Variants in SRP68 observed in about 807,000 individuals in gnomAD.
The protein encoded by SRP68 is signal recognition particle subunit SRP68.
In SRP68, 15 loss-of-function variants were observed where a neutral mutation model predicts 82.2. The ratio of observed to expected loss-of-function variants is 0.18; its 90% confidence interval spans 0.12 to 0.28. The LOEUF is 0.28. Among genes scored for constraint, SRP68 ranks in the 10% least tolerant of loss-of-function variants. The probability of loss-of-function intolerance (pLI) is 1.00; values close to 1 mark genes in which losing one functional copy is unlikely to be tolerated. For missense variants in SRP68, 595 were observed against 780.5 expected, an observed-to-expected ratio of 0.76 and a Z score of 2.83; for synonymous variants, 261 against 292.6, an observed-to-expected ratio of 0.89 and a Z score of 1.10.
rs1384485584 is a variant in SRP68, at chr17:76,042,105, C to T, written c.1525-1127G>A. ...TTCACTATGTTGGCCAGGATGGTCT[C>T]GATCTCCTGACCTCGTGATCTGCCC... On this transcript the variant is annotated intron_variant, in intron 13 of 15. Coordinates refer to ENST00000307877, the MANE Select transcript of SRP68 (RefSeq NM_014230.4). 5.3e-5 allele frequency among the ~76,000 whole-genome samples: 8 copies of T among 152,002 alleles called. No homozygotes were observed. In the East Asian group the frequency reaches 1.6e-3, roughly 30 times the overall value.
In SRP68 at chr17:76,070,535, A is replaced by G. The variant is rs2144535769; in HGVS notation, c.185-91T>C. On this transcript the variant is annotated intron_variant, in intron 1 of 15. Transcript: ENST00000307877. ...CAGTCTATATCTGTGTCAAACCACAACACATTAAACATTTGTGAAATATAG... is the reference window on the plus strand; with the variant it reads ...CAGTCTATATCTGTGTCAAACCACAGCACATTAAACATTTGTGAAATATAG... 5.5e-6 allele frequency: 6 copies of G among 1,086,918 alleles called. No individual in the cohort carries two copies. In the South Asian group the frequency reaches 7.7e-5, roughly 14 times the overall value. The allele number at this position is 1,086,918 out of a possible 1,614,324, so 67.3% of individuals were successfully genotyped here.
At chr17:76,063,915 T>A in intron 4 of SRP68, 61 bp downstream of exon 4, 1 of 1,455,244 alleles carries the variant, frequency 6.9e-7, no homozygotes, top group Non-Finnish European at 9.4e-7. Context: ...TCTGTTTAAC[T>A]GCAGCTTTTT....
chr17:76,061,273 TG>T, intron 5 of SRP68, 54 bp from the exon 6 acceptor site: 2 of 1,281,744 alleles, frequency 1.6e-6, no homozygotes, highest in Non-Finnish European at 2.3e-6. Context: ...GAAAAACTCA[TG>T]GGGAACACAG....
Position 76,064,134 on chromosome 17 carries a change from AG to A in SRP68, c.402del (p.Trp135GlyfsTer7), listed in dbSNP as rs1481626283. ...LLLVLMDAER[A>X]WSYAMQLKQE... The stretch of plus-strand genomic sequence containing the variant: ...TGTTTCAGCTGCATGGCGTAGCTCC[AG>A]GCTCTTTCAGCATCCATCAGAACCA... On this transcript the variant is annotated frameshift_variant, in exon 4 of 16. Transcript: ENST00000307877. LOFTEE classifies it high-confidence loss of function. The A allele has an allele frequency of 6.2e-7, 1 of 1,614,210 alleles. No individual in the cohort carries two copies. Among genetic ancestry groups the A allele is most frequent in the Non-Finnish European group, 8.5e-7 (1 of 1,180,034 alleles).
At chr17:76,042,008 C>T (rs1254266431) in intron 13 of SRP68, among the ~76,000 whole-genome samples, 1 of 152,182 alleles carries the variant, frequency 6.6e-6, no homozygotes, top group East Asian at 2.0e-4. Flanking sequence ...CTCAGCCTCC[C>T]GAGTAGCTGG....
At chr17:76,051,435 A>G (rs2066671724) in intron 8 of SRP68, among the ~76,000 whole-genome samples, 1 of 152,220 alleles carries the variant, frequency 6.6e-6, no homozygotes, top group African/African-American at 2.4e-5. Context: ...CATAGAAATT[A>G]ACACTCAATC....
chr17:76,043,839 T>C lies in SRP68; in HGVS notation c.1514A>G (p.Asn505Ser). The C allele has an allele frequency of 1.9e-6, 3 of 1,603,404 alleles. No individual in the cohort carries two copies. The highest frequency in any genetic ancestry group is 2.5e-6 in the Non-Finnish European group (3 of 1,177,038). ...AGGCCAACCTCTCACCTTTAGGCTGTTCTTGAAGGCGCCAGCATCAGAATT... is the reference window on the plus strand; with the variant it reads ...AGGCCAACCTCTCACCTTTAGGCTGCTCTTGAAGGCGCCAGCATCAGAATT... ...EVNSDAGAFK[N>S]SLKDLPDVQE... The change falls in exon 13 of 16, where the codon AAC (asparagine) becomes AGC (serine). Residue 505 changes from asparagine (N) to serine (S), a missense_variant. This residue lies in a region of SRP68 where 495 missense variants were observed against 688.6 expected (regional missense o/e 0.72). Coordinates refer to ENST00000307877, the MANE Select transcript of SRP68 (RefSeq NM_014230.4).
rs1567935170 is a variant in SRP68, at chr17:76,062,727, T to TA, written c.562-1154_562-1153insT. 3.2e-3 allele frequency among the ~76,000 whole-genome samples: 65 copies of TA among 20,172 alleles called. 14 individuals are homozygous for TA. Among genetic ancestry groups the TA allele is most frequent in the African/African-American group, 8.4e-3 (26 of 3,102 alleles). 13.2% of individuals were successfully genotyped at this position (20,172 alleles called of 152,430 possible). On this transcript the variant is annotated intron_variant, in intron 4 of 15. Coordinates refer to ENST00000307877, the MANE Select transcript of SRP68 (RefSeq NM_014230.4). Reference sequence around the variant, plus strand: ...TATATTATACAATATATTATATTTATTTTATATATATATATATATATATAT... The same window carrying TA: ...TATATTATACAATATATTATATTTATATTTATATATATATATATATATATAT...
At chr17:76,068,068 G>A (rs571398672) in intron 2 of SRP68, among the ~76,000 whole-genome samples, 1 of 151,994 alleles carries the variant, frequency 6.6e-6, no homozygotes, top group East Asian at 1.9e-4. Context: ...GAGGTGGGCG[G>A]ATCACTTGAT....
At position 76,072,161 on chromosome 17, in the gene SRP68, T is replaced by A; in HGVS notation, c.184+147A>T. 7.5e-7 allele frequency: 1 copy of A among 1,339,634 alleles called. No homozygotes were observed. 83.0% of individuals were successfully genotyped at this position (1,339,634 alleles called of 1,614,324 possible). ...GTCGAGAGACAGACCCCCCCCGGAA[T>A]TCTGAGCACCAAAAGGTAAGGGCGA... On this transcript the variant is annotated intron_variant, in intron 1 of 15. Transcript: ENST00000307877. This position sits in a 1 kb window ranked among gnomAD's most constrained non-coding sequence, Gnocchi z 4.5.
In SRP68 at chr17:76,046,344, C is replaced by T. The variant is rs1298979386; in HGVS notation, c.1143-150G>A. ...GCCATTTGGCTTGGGCTTCAAGGGA[C>T]CCTCCATTTGGCTACTATCCAGTGG... is the stretch of plus-strand genomic sequence containing the variant. On this transcript the variant is annotated intron_variant, in intron 10 of 15. Coordinates refer to ENST00000307877, the MANE Select transcript of SRP68 (RefSeq NM_014230.4). The T allele has an allele frequency of 3.3e-5, 27 of 818,938 alleles. No individual in the cohort carries two copies. In the East Asian group the frequency reaches 6.9e-4, roughly 21 times the overall value. 50.7% of individuals were successfully genotyped at this position (818,938 alleles called of 1,614,324 possible).
At chr17:76,059,031 G>C (rs1257830534) in intron 7 of SRP68, among the ~76,000 whole-genome samples, 3 of 152,160 alleles carry the variant, frequency 2.0e-5, no homozygotes, top group Admixed American at 2.0e-4. Flanking sequence ...CTTGAGCGCA[G>C]GAGTTCGAGA....
At chr17:76,051,556 C>T (rs2066672501) in intron 8 of SRP68, among the ~76,000 whole-genome samples, 1 of 152,276 alleles carries the variant, frequency 6.6e-6, no homozygotes, top group Middle Eastern at 3.4e-3. Context: ...AAGAAAAACC[C>T]TTTTTCTTCT....
In SRP68 at chr17:76,039,396, C is replaced by A. The variant is rs1167075374; in HGVS notation, c.*310G>T. On this transcript the variant is annotated 3_prime_UTR_variant, in exon 16 of 16. Coordinates refer to ENST00000307877, the MANE Select transcript of SRP68 (RefSeq NM_014230.4). ...GCCCCATCTGTGCCTGGTGTGGACT[C>A]CTGAACGCATTACTGACCAAAGGCA... 1 of 552,196 alleles carries A rather than the reference C, an allele frequency of 1.8e-6. No homozygotes were observed. The highest frequency in any genetic ancestry group is 1.5e-5 in the South Asian group (1 of 65,382). 34.2% of individuals were successfully genotyped at this position (552,196 alleles called of 1,614,324 possible).
chr17:76,045,259 C>A, intron 12 of SRP68, 33 bp downstream of exon 12: 1 of 1,549,608 alleles, frequency 6.5e-7, no homozygotes, highest in Non-Finnish European at 8.9e-7. Context: ...ACCTGGGAGG[C>A]GGAGGAAAAC....
intron 8 of SRP68, chr17:76,053,313 C>A: frequency 4.9e-6 from 1 of 206,022 alleles, no homozygotes; most frequent in Non-Finnish European, 8.5e-6. Flanking sequence ...CAGCCACATT[C>A]TCAGCAGAAA....
At chr17:76,060,142 A>AG (rs1249847492) in intron 7 of SRP68, among the ~76,000 whole-genome samples, 166 bp downstream of exon 7, 5 of 150,264 alleles carry the variant, frequency 3.3e-5, no homozygotes, top group African/African-American at 9.9e-5. Context: ...AAAAAAAAAA[A>AG]AAAAAAAAGA....
At chr17:76,055,485 G>A (rs143298874) in intron 8 of SRP68, among the ~76,000 whole-genome samples, 1 of 152,022 alleles carries the variant, frequency 6.6e-6, no homozygotes, top group African/African-American at 2.4e-5. Flanking sequence ...GCCCGGTGCA[G>A]TGGCTGATGC....
chr17:76,045,920 A>G, intron 11 of SRP68, 118 bp downstream of exon 11: 1 of 1,257,614 alleles, frequency 8.0e-7, no homozygotes, highest in Non-Finnish European at 1.1e-6. Context: ...GTCTCTTCCC[A>G]GCTACTAATA....
Sources: gnomAD v4.1 joint callset for allele counts (sites outside exome capture counted in the v4.1 genomes callset) on GRCh38, gnomAD v4.1.1 for gene constraint, gnomAD v4.1.1 regional missense constraint, Gnocchi (gnomAD v3.1) non-coding constraint, MANE v1.5 for transcripts, NCBI Gene and HGNC (gene_info 2026-07-23, HGNC 2026-07-21) for gene names.